Variants in LSM3 observed in about 807,000 individuals in gnomAD.
LSM3 encodes the protein LSM3 homolog, U6 small nuclear RNA and mRNA degradation associated, also known as U6 snRNA-associated Sm-like protein LSm3.
In LSM3, 14 loss-of-function variants were observed where a neutral mutation model predicts 15.4. That is an observed-to-expected ratio of 0.91 (90% CI 0.60 to 1.42). LSM3 has a LOEUF of 1.42. LSM3 is among the 40% of genes most tolerant of loss of function. The pLI is 0.00. For missense variants in LSM3, 88 were observed against 127.9 expected, an observed-to-expected ratio of 0.69 and a Z score of 1.50; for synonymous variants, 46 against 45.1, an observed-to-expected ratio of 1.02 and a Z score of -0.08.
intron 3 of LSM3, among the ~76,000 whole-genome samples, chr3:14,197,710 G>C (rs2124830944): frequency 6.6e-6 from 1 of 152,338 alleles, no homozygotes; most frequent in Middle Eastern, 3.4e-3. Context: ...GGTCAGTCTG[G>C]ATATAGTCCT....
At chr3:14,189,933 CT>C (rs1401060025) in intron 3 of LSM3, among the ~76,000 whole-genome samples, 3 of 152,178 alleles carry the variant, frequency 2.0e-5, no homozygotes, top group Non-Finnish European at 2.9e-5. Flanking sequence ...GGTCCTAGGT[CT>C]TACATTTAAG....
intron 3 of LSM3, among the ~76,000 whole-genome samples, chr3:14,195,527 A>C (rs1697180575): frequency 1.3e-5 from 2 of 152,208 alleles, no homozygotes; most frequent in African/African-American, 4.8e-5. Context: ...AAACAGATAA[A>C]ATTGGAATGT....
chr3:14,182,541 G>A (rs1697049805), intron 2 of LSM3, among the ~76,000 whole-genome samples: 1 of 151,984 alleles, frequency 6.6e-6, no homozygotes, highest in African/African-American at 2.4e-5. Flanking sequence ...TGTAGAATTG[G>A]TCCCTTGAAA....
chr3:14,179,418 T>C (rs1325966506), intron 1 of LSM3, among the ~76,000 whole-genome samples: 5 of 152,228 alleles, frequency 3.3e-5, no homozygotes, highest in Non-Finnish European at 5.9e-5. Context: ...GGAACTGGTA[T>C]GCAGAATAAC....
At chr3:14,183,874 A>T in intron 2 of LSM3, 63 bp from the exon 3 acceptor site, 2 of 1,278,614 alleles carry the variant, frequency 1.6e-6, no homozygotes, top group Non-Finnish European at 2.2e-6. Flanking sequence ...GCATATTGTT[A>T]AGCCTTTATC....
rs1196843458 is a variant in LSM3 at position 14,200,563 on chromosome 3, T to A, written c.*2447T>A. ...CTAAGGGAAGCCTCTTCAGCAAGTA[T>A]CATGCCTGGATCCCGGTCTTGGTTG... On this transcript the variant is annotated 3_prime_UTR_variant, in exon 4 of 4. Transcript: ENST00000306024. The A allele has an allele frequency of 6.8e-6, 1 of 146,500 alleles. No individual in the cohort carries two copies. Among genetic ancestry groups the A allele is most frequent in the Non-Finnish European group, 1.5e-5 (1 of 68,028 alleles). The allele number at this position is 146,500 out of a possible 1,614,324, so 9.1% of individuals were successfully genotyped here. A position where few individuals can be genotyped will look rare whatever the true frequency, so the allele number is the denominator to read the frequency against.
intron 1 of LSM3, among the ~76,000 whole-genome samples, chr3:14,180,040 AT>A (rs1354803528): frequency 6.6e-6 from 1 of 152,112 alleles, no homozygotes; most frequent in African/African-American, 2.4e-5. Context: ...GAGTTAGGTT[AT>A]TTTTTTCTCT....
At chr3:14,197,483 A>G (rs548716708) in intron 3 of LSM3, among the ~76,000 whole-genome samples, 4 of 152,362 alleles carry the variant, frequency 2.6e-5, no homozygotes, top group African/African-American at 7.2e-5. Context: ...TGACCACAGT[A>G]GCACCCAGAA....
intron 3 of LSM3, among the ~76,000 whole-genome samples, chr3:14,187,371 G>A (rs1697098849): frequency 6.6e-6 from 1 of 152,244 alleles, no homozygotes; most frequent in Admixed American, 6.5e-5. Flanking sequence ...GCTGAGAACA[G>A]TAAGCAAAGT....
intron 3 of LSM3, among the ~76,000 whole-genome samples, chr3:14,192,087 G>A (rs1378674930): frequency 6.6e-5 from 10 of 152,200 alleles, no homozygotes; most frequent in South Asian, 2.1e-4. Context: ...GTATTTGTGC[G>A]GTTTTGAGTG....
At chr3:14,185,937 A>T (rs568922084) in intron 3 of LSM3, among the ~76,000 whole-genome samples, 146 of 151,720 alleles carry the variant, frequency 9.6e-4, no homozygotes, top group African/African-American at 3.4e-3. Context: ...TTTTTTAAAG[A>T]CAGTCTGACT....
chr3:14,188,293 G>C (rs901501332), intron 3 of LSM3, among the ~76,000 whole-genome samples: 4 of 152,134 alleles, frequency 2.6e-5, no homozygotes, highest in African/African-American at 9.7e-5. Context: ...AGCAGCTCTA[G>C]ACCTGCTCCC....
rs77290111 is a variant in LSM3, at chr3:14,195,743, C to T, written c.229-2293C>T. On this transcript the variant is annotated intron_variant, in intron 3 of 3. Coordinates refer to ENST00000306024, the MANE Select transcript of LSM3 (RefSeq NM_014463.3). ...GCCACATTCATGGAACTGTTGTAAA[C>T]GATACTGGTTCTGGTGTGGAGCTTG... 4.0e-4 allele frequency among the ~76,000 whole-genome samples: 61 copies of T among 152,228 alleles called. No individual in the cohort carries two copies. The East Asian group carries it at 0.01, about 26-fold the overall frequency.
chr3:14,180,211 T>A (rs1697011106), intron 1 of LSM3, among the ~76,000 whole-genome samples: 1 of 152,214 alleles, frequency 6.6e-6, no homozygotes, highest in Non-Finnish European at 1.5e-5. Flanking sequence ...ATCCTAGCCC[T>A]GACCTCTAAA....
intron 2 of LSM3, among the ~76,000 whole-genome samples, chr3:14,181,929 G>A (rs1041557719): frequency 2.0e-5 from 3 of 151,374 alleles, no homozygotes; most frequent in African/African-American, 7.3e-5. Flanking sequence ...ATATTTACTT[G>A]TCCTCCATTC....
intron 3 of LSM3, among the ~76,000 whole-genome samples, chr3:14,185,630 C>A (rs1429772763): frequency 6.6e-6 from 1 of 152,168 alleles, no homozygotes; most frequent in Non-Finnish European, 1.5e-5. Context: ...TGTGAATGTT[C>A]TACCTTTGAT....
At chr3:14,183,881 T>A (rs1431269989) in intron 2 of LSM3, 56 bp from the exon 3 acceptor site, 1 of 1,360,534 alleles carries the variant, frequency 7.4e-7, no homozygotes, top group Non-Finnish European at 1.0e-6. Flanking sequence ...GTTAAGCCTT[T>A]ATCATTTTTG....
At chr3:14,193,857 C>T (rs1461443990) in intron 3 of LSM3, among the ~76,000 whole-genome samples, 3 of 152,152 alleles carry the variant, frequency 2.0e-5, no homozygotes, top group African/African-American at 2.4e-5. Flanking sequence ...GGAGGAGAGG[C>T]GTTCGTGTTT....
At chr3:14,188,618 C>T (rs1485199009) in intron 3 of LSM3, among the ~76,000 whole-genome samples, 1 of 151,816 alleles carries the variant, frequency 6.6e-6, no homozygotes, top group Non-Finnish European at 1.5e-5. Flanking sequence ...GTTATTCTCC[C>T]TTCCCCTGTT....
Sources: allele counts gnomAD v4.1 joint callset (sites outside exome capture counted in the v4.1 genomes callset), GRCh38; gene constraint gnomAD v4.1.1; transcripts MANE v1.5; gene names NCBI Gene and HGNC (gene_info 2026-07-23, HGNC 2026-07-21).